SRSF11: variants seen among roughly 807,000 people sequenced by gnomAD.
The protein encoded by SRSF11 is serine and arginine rich splicing factor 11, also known as serine/arginine-rich splicing factor 11.
A neutral mutation model predicts 56.0 loss-of-function variants in SRSF11; 9 were observed. That is an observed-to-expected ratio of 0.16 (90% confidence interval 0.10 to 0.28). The LOEUF (loss-of-function observed/expected upper bound fraction) is 0.28, where lower values mean the gene tolerates loss of function less well. Ranked by LOEUF, SRSF11 falls within the 10% of genes least tolerant of loss-of-function variation. SRSF11 has a pLI of 1.00. For missense variants in SRSF11, 421 were observed against 600.7 expected (o/e 0.70, Z 3.13); for synonymous variants, 222 against 215.3 (o/e 1.03, Z -0.27).
chr1:70,222,598 G>A (rs1670899050), intron 1 of SRSF11, among the ~76,000 whole-genome samples: 1 of 152,156 alleles, frequency 6.6e-6, no homozygotes, highest in African/African-American at 2.4e-5. Flanking sequence ...ATAGTTCAAA[G>A]AAGCTAAGAA....
At position 70,250,986 on chromosome 1, in the gene SRSF11, C is replaced by T. The variant is rs571393002; in HGVS notation, c.*181C>T. On this transcript the variant is annotated 3_prime_UTR_variant, in exon 12 of 12. Coordinates refer to ENST00000370949, the MANE Select transcript of SRSF11 (RefSeq NM_001350605.2). ...ATCAAAAAGCTTTTAGAAAATGGTA[C>T]GAGGTAACCAATTCTTGTCATGGTG... 16 of 558,124 alleles carry T rather than the reference C, an allele frequency of 2.9e-5. No homozygotes were observed. The highest frequency in any genetic ancestry group is 2.4e-4 in the South Asian group (9 of 36,896). 34.6% of individuals were successfully genotyped at this position (558,124 alleles called of 1,614,324 possible). A position where few individuals can be genotyped will look rare whatever the true frequency, so the allele number is the denominator to read the frequency against.
intron 1 of SRSF11, among the ~76,000 whole-genome samples, chr1:70,224,782 G>C (rs56902977): frequency 0.12 from 17,948 of 152,140 alleles, 1,251 homozygotes; most frequent in East Asian, 0.3. Flanking sequence ...GGCTTTGCAG[G>C]TATTTGAAAG....
At chr1:70,240,299 G>A (rs1262815354) in intron 7 of SRSF11, among the ~76,000 whole-genome samples, 1 of 152,114 alleles carries the variant, frequency 6.6e-6, no homozygotes, top group African/African-American at 2.4e-5. Flanking sequence ...TATAAAAGTG[G>A]CATTATTTTT....
At position 70,230,452 on chromosome 1, in the gene SRSF11, A is replaced by G. The variant is rs1027288139; in HGVS notation, c.338-1816A>G. The G allele has an allele frequency of 4.2e-6, 5 of 1,189,340 alleles. No individual in the cohort carries two copies. The African/African-American group carries it at 8.2e-5, about 19-fold the overall frequency. 73.7% of individuals were successfully genotyped at this position (1,189,340 alleles called of 1,614,324 possible). The stretch of plus-strand genomic sequence containing the variant: ...GTAAAACTAAGATAGCTGAATTTGG[A>G]AGGAACTCTTAATAGTAATGGATTT... On this transcript the variant is annotated intron_variant, in intron 2 of 11. Transcript: ENST00000370949.
At chr1:70,240,072 A>T (rs1422377285) in intron 7 of SRSF11, among the ~76,000 whole-genome samples, 1 of 152,208 alleles carries the variant, frequency 6.6e-6, no homozygotes, top group Non-Finnish European at 1.5e-5. Context: ...CTCAAAGGTG[A>T]TAATGAAAAA....
upstream of SRSF11, chr1:70,218,591 G>A (rs1474363146): frequency 6.6e-6 from 1 of 152,160 alleles, no homozygotes; most frequent in East Asian, 1.9e-4. Flanking sequence ...ACCCATCACA[G>A]AGAATAAATA....
chr1:70,217,293 G>A (rs1670097557), upstream of SRSF11, among the ~76,000 whole-genome samples: 1 of 152,030 alleles, frequency 6.6e-6, no homozygotes. Flanking sequence ...CAAGTAGCTG[G>A]GATTACAGGC....
chr1:70,235,600 A>G (rs1673799945), intron 5 of SRSF11, 50 bp downstream of exon 5: 17 of 1,563,266 alleles, frequency 1.1e-5, no homozygotes, highest in Non-Finnish European at 1.5e-5. Context: ...CTGAATGTCT[A>G]CAGAATTAGA....
At chr1:70,229,232 CT>C in intron 2 of SRSF11, 2 of 1,289,516 alleles carry the variant, frequency 1.6e-6, no homozygotes, top group Non-Finnish European at 2.0e-6. Context: ...ATGCAAAACC[CT>C]TCCAGATGCC....
chr1:70,236,392 G>A (rs1215934254), intron 5 of SRSF11, among the ~76,000 whole-genome samples: 1 of 146,232 alleles, frequency 6.8e-6, no homozygotes, highest in Non-Finnish European at 1.5e-5. Flanking sequence ...GTGCAGTGGC[G>A]CAAACTCAGC....
At chr1:70,232,448 A>G in intron 3 of SRSF11, 71 bp downstream of exon 3, 3 of 1,223,608 alleles carry the variant, frequency 2.5e-6, no homozygotes, top group Non-Finnish European at 3.5e-6. Context: ...AACATATTTG[A>G]ACTTTGTAAG....
intron 1 of SRSF11, among the ~76,000 whole-genome samples, chr1:70,228,140 T>A (rs1558171897): frequency 6.6e-6 from 1 of 152,210 alleles, no homozygotes. Flanking sequence ...TGTTGACAAT[T>A]TTGTGGTCCC....
chr1:70,216,786 C>A (rs1670045709), upstream of SRSF11, among the ~76,000 whole-genome samples: 1 of 152,104 alleles, frequency 6.6e-6, no homozygotes, highest in Admixed American at 6.6e-5. Context: ...TAACTAGAAG[C>A]TTTCCCTTAC....
intron 3 of SRSF11, among the ~76,000 whole-genome samples, chr1:70,232,794 G>C (rs1673099296): frequency 6.6e-6 from 1 of 151,990 alleles, no homozygotes; most frequent in African/African-American, 2.4e-5. Context: ...AATTACATAG[G>C]TGGCTTGAAA....
Position 70,244,698 on chromosome 1 carries a change from G to C in SRSF11, c.815G>C (p.Arg272Thr). ...TACACTATTAGGCGGTCAAGAAGCA[G>C]ATCGAGACGGCGGTCACATTCTAAG... ...SSSRHRRSRS[R>T]SRRRSHSKSR... The change falls in exon 8 of 12, where the codon AGA (arginine) becomes ACA (threonine). Residue 272 changes from arginine to threonine, a missense_variant. Physicochemically the swap from Arg to Thr is moderately conservative, Grantham distance 71 (BLOSUM62 -1). Around this residue, in one of 2 missense-constraint regions of SRSF11, gnomAD observed 253 missense variants for 305.8 expected, o/e 0.83. Transcript: ENST00000370949. The C allele has an allele frequency of 6.2e-7, 1 of 1,614,108 alleles. No homozygotes were observed. The highest frequency in any genetic ancestry group is 8.5e-7 in the Non-Finnish European group (1 of 1,179,962).
At chr1:70,225,901 G>A (rs1671670503) in intron 1 of SRSF11, among the ~76,000 whole-genome samples, 1 of 152,120 alleles carries the variant, frequency 6.6e-6, no homozygotes, top group Non-Finnish European at 1.5e-5. Context: ...TCAGGCATCA[G>A]TCCTCTATCT....
chr1:70,223,890 C>T (rs1180061780), intron 1 of SRSF11, among the ~76,000 whole-genome samples: 1 of 152,076 alleles, frequency 6.6e-6, no homozygotes, highest in Non-Finnish European at 1.5e-5. Flanking sequence ...CTGTTGTGAA[C>T]AGGTCACCTG....
At chr1:70,208,409 T>C (rs1425670474) in intron 1 of SRSF11, among the ~76,000 whole-genome samples, 4 of 152,116 alleles carry the variant, frequency 2.6e-5, no homozygotes, top group Non-Finnish European at 4.4e-5. Flanking sequence ...CCTTGGTCAC[T>C]GCAACCTCCA....
chr1:70,243,913 C>G (rs1166957348), intron 7 of SRSF11, among the ~76,000 whole-genome samples: 2 of 151,888 alleles, frequency 1.3e-5, no homozygotes, highest in Non-Finnish European at 2.9e-5. Flanking sequence ...AGTTTTAATG[C>G]AGTAGGGAGG....
Sources: allele counts gnomAD v4.1 joint callset (sites outside exome capture counted in the v4.1 genomes callset), GRCh38; gene constraint gnomAD v4.1.1; regional missense constraint gnomAD v4.1.1; transcripts MANE v1.5; gene names NCBI Gene and HGNC (gene_info 2026-07-23, HGNC 2026-07-21).